The following BPGM variants were observed in gnomAD, a reference collection of about 807,000 sequenced individuals.
BPGM encodes bisphosphoglycerate mutase, also known as 2,3-bisphosphoglycerate mutase, erythrocyte.
BPGM carries 15 observed loss-of-function variants against 21.6 expected under a neutral mutation model. That is an observed-to-expected ratio of 0.70 (90% CI 0.47 to 1.07). The LOEUF (loss-of-function observed/expected upper bound fraction) is 1.07, where lower values mean the gene tolerates loss of function less well. Among genes scored for constraint, BPGM ranks in the 50% least tolerant of loss-of-function variants. The pLI, the probability that BPGM is intolerant of heterozygous loss-of-function variation, is 0.00. For synonymous variants in BPGM, 113 were observed against 116.2 expected, an observed-to-expected ratio of 0.97 and a Z score of 0.18; for missense variants, 273 against 319.0, an observed-to-expected ratio of 0.86 and a Z score of 1.10.
intron 2 of BPGM, among the ~76,000 whole-genome samples, chr7:134,673,516 CA>C (rs1261785377): frequency 6.6e-6 from 1 of 152,184 alleles, no homozygotes; most frequent in Non-Finnish European, 1.5e-5. Context: ...CATGGTCAAA[CA>C]AGTGAATCCC....
chr7:134,672,558 G>C (rs1795922271), intron 2 of BPGM, among the ~76,000 whole-genome samples: 1 of 152,084 alleles, frequency 6.6e-6, no homozygotes, highest in African/African-American at 2.4e-5. Flanking sequence ...TGTGGAGAGG[G>C]GTAGGTACAG....
At chr7:134,662,343 T>C (rs1033912609) in intron 2 of BPGM, among the ~76,000 whole-genome samples, 3 of 152,138 alleles carry the variant, frequency 2.0e-5, no homozygotes, top group African/African-American at 4.8e-5. Context: ...CCTGGAGAGG[T>C]TGGTGTATCA....
chr7:134,662,128 C>G lies in BPGM; in HGVS notation c.601+20C>G. ...TGGAAGGTACCAGCTTTATATACCACTTATTAGAGGTTGCCAAGTGTGATA... is the reference window on the plus strand; with the variant it reads ...TGGAAGGTACCAGCTTTATATACCAGTTATTAGAGGTTGCCAAGTGTGATA... On this transcript the variant is annotated intron_variant, in intron 2 of 2. Transcript: ENST00000344924. 8.7e-6 allele frequency: 14 copies of G among 1,613,700 alleles called. No individual in the cohort carries two copies. Among genetic ancestry groups the G allele is most frequent in the Non-Finnish European group, 1.2e-5 (14 of 1,179,950 alleles).
At chr7:134,670,565 T>C (rs1795887725) in intron 2 of BPGM, among the ~76,000 whole-genome samples, 1 of 152,222 alleles carries the variant, frequency 6.6e-6, no homozygotes, top group African/African-American at 2.4e-5. Flanking sequence ...ATCGTGTTAT[T>C]CAAATCACCC....
intron 1 of BPGM, chr7:134,658,319 A>C (rs1795674598): frequency 6.6e-6 from 1 of 152,206 alleles, no homozygotes; most frequent in Non-Finnish European, 1.5e-5. Flanking sequence ...CTTCGATGTC[A>C]GCAATCCCAT....
At position 134,661,085 on chromosome 7, in the gene BPGM, C is replaced by T. The variant is rs1260342811; in HGVS notation, c.-61-362C>T. Among the ~76,000 whole-genome samples the T allele has an allele frequency of 6.6e-6, 1 of 152,180 alleles. No individual in the cohort carries two copies. Among genetic ancestry groups the T allele is most frequent in the Non-Finnish European group, 1.5e-5 (1 of 68,034 alleles). ...CTGCTGGGAGCTGGGAGTTCCCAGC[C>T]ACTAGTCATTCTTTCAGACGTCTGT... On this transcript the variant is annotated intron_variant, in intron 1 of 2. Coordinates refer to ENST00000344924, the MANE Select transcript of BPGM (RefSeq NM_001724.5). This position sits in a 1 kb window ranked among gnomAD's most constrained non-coding sequence, Gnocchi z 4.6.
intron 2 of BPGM, among the ~76,000 whole-genome samples, chr7:134,677,493 T>C (rs996235732): frequency 1.9e-4 from 29 of 152,194 alleles, no homozygotes; most frequent in Non-Finnish European, 2.5e-4. Flanking sequence ...CGTGAAATTC[T>C]AATAAAGAGC....
intron 2 of BPGM, among the ~76,000 whole-genome samples, chr7:134,677,987 A>G (rs577426682): frequency 6.6e-6 from 1 of 152,344 alleles, no homozygotes; most frequent in African/African-American, 2.4e-5. Context: ...ATAATATGTC[A>G]TCATATTGCA....
intron 1 of BPGM, chr7:134,660,623 G>A (rs1795715859): frequency 6.6e-6 from 1 of 152,620 alleles, no homozygotes; most frequent in Non-Finnish European, 1.5e-5. Context: ...GGGAGGAGGA[G>A]GTGGGGCCTC....
chr7:134,671,643 CA>C (rs1267301190), intron 2 of BPGM, among the ~76,000 whole-genome samples: 4 of 152,190 alleles, frequency 2.6e-5, no homozygotes, highest in Non-Finnish European at 2.9e-5. Flanking sequence ...GGATTATGGG[CA>C]TGAGCCACCA....
chr7:134,674,429 G>A (rs779497680), intron 2 of BPGM, among the ~76,000 whole-genome samples: 1 of 152,012 alleles, frequency 6.6e-6, no homozygotes, highest in African/African-American at 2.4e-5. Flanking sequence ...ACCCAGCCCT[G>A]GGCAACAACT....
chr7:134,657,507 A>G (rs1186148476), intron 1 of BPGM, among the ~76,000 whole-genome samples: 1 of 152,202 alleles, frequency 6.6e-6, no homozygotes, highest in Non-Finnish European at 1.5e-5. Context: ...TCAACTGAAT[A>G]TAGCAAGACT....
chr7:134,665,014 G>T (rs1008012702), intron 2 of BPGM, among the ~76,000 whole-genome samples: 5 of 152,182 alleles, frequency 3.3e-5, no homozygotes, highest in Non-Finnish European at 5.9e-5. Context: ...TTCTAAAATT[G>T]ATTGTAGTGA....
intron 1 of BPGM, chr7:134,660,557 C>T (rs1020148901): frequency 2.0e-5 from 3 of 152,352 alleles, no homozygotes; most frequent in Admixed American, 1.3e-4. Flanking sequence ...TCTCCCTTTA[C>T]TAGATTCTCC....
intron 2 of BPGM, among the ~76,000 whole-genome samples, chr7:134,663,784 T>C (rs781277332): frequency 6.6e-6 from 1 of 152,184 alleles, no homozygotes; most frequent in Non-Finnish European, 1.5e-5. Context: ...TTAATACCAT[T>C]GACTCTTCAC....
chr7:134,665,649 G>GAAAAAAAAAAAAAAAA (rs1164169964), intron 2 of BPGM, among the ~76,000 whole-genome samples: 1 of 78,250 alleles, frequency 1.3e-5, no homozygotes, highest in African/African-American at 4.1e-5. Flanking sequence ...AAAAATTAAT[G>GAAAAAAAAAAAAAAAA]AAAAAAAAAA....
At chr7:134,666,489 A>G (rs1795823314) in intron 2 of BPGM, among the ~76,000 whole-genome samples, 1 of 152,196 alleles carries the variant, frequency 6.6e-6, no homozygotes, top group Admixed American at 6.5e-5. Context: ...GGATAAGACC[A>G]TAGCCTAGAA....
intron 2 of BPGM, among the ~76,000 whole-genome samples, chr7:134,676,280 G>A (rs1795981847): frequency 6.6e-6 from 1 of 152,158 alleles, no homozygotes; most frequent in Admixed American, 6.5e-5. Context: ...TTAATAGTTG[G>A]TGACACTGCA....
chr7:134,675,108 T>C (rs1294783385), intron 2 of BPGM, among the ~76,000 whole-genome samples: 1 of 152,204 alleles, frequency 6.6e-6, no homozygotes, highest in East Asian at 1.9e-4. Context: ...AATTTGATCA[T>C]TTGTCTTTTT....
Sources: gnomAD v4.1 joint callset for allele counts (sites outside exome capture counted in the v4.1 genomes callset) on GRCh38, gnomAD v4.1.1 for gene constraint, Gnocchi (gnomAD v3.1) non-coding constraint, MANE v1.5 for transcripts, NCBI Gene and HGNC (gene_info 2026-07-23, HGNC 2026-07-21) for gene names.